LHCGR: variants seen among roughly 807,000 people sequenced by gnomAD.
LHCGR encodes the protein lutropin-choriogonadotropic hormone receptor.
Under a neutral mutation model 60.7 loss-of-function variants are expected in LHCGR, and 55 were observed. That is an observed-to-expected ratio of 0.91 (90% CI 0.73 to 1.13). The LOEUF is 1.13. LHCGR is among the 50% of genes most tolerant of loss of function. LHCGR has a pLI of 0.00. For synonymous variants in LHCGR, 337 were observed against 316.5 expected (o/e 1.06, Z -0.69); for missense variants, 862 against 836.0 (o/e 1.03, Z -0.38).
At chr2:48,721,233 C>T (rs1195929675) in intron 6 of LHCGR, 1 of 157,218 alleles carries the variant, frequency 6.4e-6, no homozygotes, top group African/African-American at 2.4e-5. Context: ...TGTGATATCA[C>T]CTCATTCGGA....
chr2:48,750,845 A>G (rs927377754), intron 1 of LHCGR, among the ~76,000 whole-genome samples: 11 of 152,208 alleles, frequency 7.2e-5, no homozygotes, highest in African/African-American at 1.4e-4. Flanking sequence ...CCAAATGTCT[A>G]GAGATACTTT....
chr2:48,743,606 C>T (rs1342827562), intron 1 of LHCGR, among the ~76,000 whole-genome samples: 2 of 152,154 alleles, frequency 1.3e-5, no homozygotes, highest in African/African-American at 4.8e-5. Flanking sequence ...ATGATTATCT[C>T]AATAGATGCA....
chr2:48,749,768 C>G (rs1281759475), intron 1 of LHCGR, among the ~76,000 whole-genome samples: 1 of 151,202 alleles, frequency 6.6e-6, no homozygotes, highest in African/African-American at 2.4e-5. Flanking sequence ...TACTACTCTC[C>G]AAGGAGGGAG....
intron 8 of LHCGR, among the ~76,000 whole-genome samples, chr2:48,703,697 T>C (rs1015443139): frequency 6.6e-6 from 1 of 152,202 alleles, no homozygotes; most frequent in East Asian, 1.9e-4. Context: ...TAATTTCTTA[T>C]TGGTGAATAG....
intron 1 of LHCGR, among the ~76,000 whole-genome samples, chr2:48,746,387 C>G (rs1214920290): frequency 2.0e-5 from 3 of 152,166 alleles, no homozygotes; most frequent in Non-Finnish European, 4.4e-5. Context: ...TCAGATATCT[C>G]TTTTAGGACT....
chr2:48,714,214 A>G (rs752030419), intron 6 of LHCGR, among the ~76,000 whole-genome samples, 160 bp from the exon 7 acceptor site: 4 of 152,206 alleles, frequency 2.6e-5, no homozygotes, highest in Non-Finnish European at 4.4e-5. Flanking sequence ...TTAAGTGTCT[A>G]TTAAGTGCTA....
chr2:48,709,288 C>T (rs948197392), intron 7 of LHCGR, among the ~76,000 whole-genome samples: 1 of 152,098 alleles, frequency 6.6e-6, no homozygotes, highest in Non-Finnish European at 1.5e-5. Flanking sequence ...AAGTACTCAC[C>T]CCCTCCTGTC....
At position 48,718,176 on chromosome 2, in the gene LHCGR, CA is replaced by C. The variant is rs1350229440; in HGVS notation, c.537-4123del. 7.2e-5 allele frequency among the ~76,000 whole-genome samples: 11 copies of C among 152,070 alleles called. No individual in the cohort carries two copies. The East Asian group carries it at 1.9e-3, about 27-fold the overall frequency. ...TACTTTGAGGATTTTGTCACAGGCA[CA>C]AAAATGAAGATTTTTCGCCTCCCCC... On this transcript the variant is annotated intron_variant, in intron 6 of 10. Transcript: ENST00000294954.
At chr2:48,705,116 C>T (rs1049239319) in intron 8 of LHCGR, among the ~76,000 whole-genome samples, 1 of 152,154 alleles carries the variant, frequency 6.6e-6, no homozygotes, top group South Asian at 2.1e-4. Context: ...TTTCAAAGAA[C>T]ATTTTTATTT....
Position 48,698,744 on chromosome 2 carries a change from T to C in LHCGR, c.737A>G (p.Gln246Arg), listed in dbSNP as rs1397194702. 6.2e-7 allele frequency: 1 copy of C among 1,614,138 alleles called. No individual in the cohort carries two copies. The highest frequency in any genetic ancestry group is 1.6e-4 in the Middle Eastern group (1 of 6,062). The change falls in exon 9 of 11, where the codon CAG (glutamine) becomes CGG (arginine). Residue 246 changes from glutamine (Q) to arginine (R), a missense_variant. Transcript: ENST00000294954. ...ALPSYGLESIQRLIATSSYSL... is the reference protein window; with the variant it reads ...ALPSYGLESIRRLIATSSYSL... ...ATAGGATGACGTGGCAATTAGCCTC[T>C]GAATGGACTCTAGGCCATAGCTCGG... is the stretch of plus-strand genomic sequence containing the variant.
intron 1 of LHCGR, among the ~76,000 whole-genome samples, chr2:48,742,645 G>A (rs565304576): frequency 0.022 from 3,393 of 151,628 alleles, 75 homozygotes; most frequent in Non-Finnish European, 0.033. Context: ...TGAAACCAAC[G>A]AGAACAAAGA....
At chr2:48,702,752 A>G (rs949666313) in intron 8 of LHCGR, among the ~76,000 whole-genome samples, 1 of 152,182 alleles carries the variant, frequency 6.6e-6, no homozygotes, top group Non-Finnish European at 1.5e-5. Context: ...TAGCAGCATG[A>G]TCCTTTAATA....
chr2:48,732,509 A>G (rs569952659), intron 1 of LHCGR, among the ~76,000 whole-genome samples: 2 of 152,328 alleles, frequency 1.3e-5, no homozygotes, highest in East Asian at 1.9e-4. Flanking sequence ...TACTCACTCA[A>G]CAATGGTGTG....
At chr2:48,746,649 G>T (rs1669721643) in intron 1 of LHCGR, among the ~76,000 whole-genome samples, 1 of 152,146 alleles carries the variant, frequency 6.6e-6, no homozygotes, top group Admixed American at 6.5e-5. Context: ...CTGGATAATG[G>T]ATTTTTCATG....
At chr2:48,719,184 T>TG (rs931296016) in intron 6 of LHCGR, among the ~76,000 whole-genome samples, 22 of 152,034 alleles carry the variant, frequency 1.4e-4, no homozygotes, top group African/African-American at 5.3e-4. Context: ...TAGCCGGGCA[T>TG]GGTGGTGGGC....
At chr2:48,743,571 A>T (rs1431604958) in intron 1 of LHCGR, among the ~76,000 whole-genome samples, 3 of 152,246 alleles carry the variant, frequency 2.0e-5, no homozygotes, top group African/African-American at 4.8e-5. Flanking sequence ...TCCAGCATAT[A>T]AACAGAACCA....
chr2:48,723,579 C>CA (rs1475937859), intron 5 of LHCGR, 43 bp downstream of exon 5: 7 of 1,604,890 alleles, frequency 4.4e-6, no homozygotes, highest in Non-Finnish European at 6.0e-6. Context: ...ATTTTAGCTG[C>CA]AAATAGGAAA....
chr2:48,726,553 A>G (rs1294646557), intron 3 of LHCGR, among the ~76,000 whole-genome samples: 2 of 152,192 alleles, frequency 1.3e-5, no homozygotes, highest in East Asian at 3.8e-4. Context: ...CACCATTGCT[A>G]AGTCCTGTCT....
At chr2:48,705,015 T>G (rs954902515) in intron 8 of LHCGR, among the ~76,000 whole-genome samples, 3 of 152,238 alleles carry the variant, frequency 2.0e-5, no homozygotes, top group Non-Finnish European at 4.4e-5. Flanking sequence ...CTGCCTTTCC[T>G]TGTGGGCATT....
Sources: gnomAD v4.1 joint callset for allele counts (sites outside exome capture counted in the v4.1 genomes callset) on GRCh38, gnomAD v4.1.1 for gene constraint, MANE v1.5 for transcripts, NCBI Gene and HGNC (gene_info 2026-07-23, HGNC 2026-07-21) for gene names.